Variants in GPM6B observed in about 807,000 individuals in gnomAD.
GPM6B encodes the protein neuronal membrane glycoprotein M6-b.
GPM6B carries 4 observed loss-of-function variants against 27.2 expected under a neutral mutation model. The ratio of observed to expected loss-of-function variants is 0.15; its 90% CI spans 0.07 to 0.34. The LOEUF is 0.34. Ranked by LOEUF, GPM6B falls within the 10% of genes least tolerant of loss-of-function variation. The probability of loss-of-function intolerance (pLI) is 1.00; values close to 1 mark genes in which losing one functional copy is unlikely to be tolerated. For missense variants in GPM6B, 183 were observed against 261.9 expected, an observed-to-expected ratio of 0.70 and a Z score of 2.08; for synonymous variants, 124 against 103.1, an observed-to-expected ratio of 1.20 and a Z score of -1.23.
At chrX:13,798,505 T>C (rs1441902121) in intron 2 of GPM6B, among the ~76,000 whole-genome samples, 1 of 112,522 alleles carries the variant, frequency 8.9e-6, no homozygotes, top group East Asian at 2.8e-4. Flanking sequence ...ACGTGCTATA[T>C]GCAAACACAC....
chrX:13,809,915 C>CAAA (rs750794950), intron 1 of GPM6B, among the ~76,000 whole-genome samples: 594 of 48,233 alleles, frequency 0.012, 16 homozygotes, highest in African/African-American at 0.023. Flanking sequence ...CCAGCCTGGG[C>CAAA]AAAAAAAAAA....
intron 1 of GPM6B, among the ~76,000 whole-genome samples, chrX:13,868,636 C>T (rs937729178): frequency 1.8e-5 from 2 of 112,254 alleles, no homozygotes; most frequent in African/African-American, 6.5e-5. Flanking sequence ...TTCTTTACCC[C>T]TTGGGTCAAA....
intron 1 of GPM6B, among the ~76,000 whole-genome samples, chrX:13,836,916 C>G (rs1426190590): frequency 1.8e-5 from 2 of 110,488 alleles, no homozygotes; most frequent in African/African-American, 6.7e-5. Flanking sequence ...GGAACAAAAT[C>G]AATGCGCTTT....
At chrX:13,896,033 T>C (rs1157892320) in intron 1 of GPM6B, among the ~76,000 whole-genome samples, 2 of 98,033 alleles carry the variant, frequency 2.0e-5, no homozygotes, top group Non-Finnish European at 4.1e-5. Context: ...CATACACTTG[T>C]AGTCCCAGCT....
At position 13,771,635 on chromosome X, in the gene GPM6B, C is replaced by G. The variant is rs1444076492; in HGVS notation, c.*1246G>C. On this transcript the variant is annotated 3_prime_UTR_variant, in exon 8 of 8. Coordinates refer to ENST00000316715, the MANE Select transcript of GPM6B (RefSeq NM_001001995.3). ...GCAGCCCCTTTGAAAAGCACTGATG[C>G]ACCCAACAGTTATATGGATCATTTC... is the stretch of plus-strand genomic sequence containing the variant. 1 of 111,833 alleles carries G rather than the reference C, an allele frequency of 8.9e-6. No homozygotes were observed. The highest frequency in any genetic ancestry group is 9.6e-5 in the Admixed American group (1 of 10,467). The allele number at this position is 111,833 out of a possible 1,213,427, so 9.2% of individuals were successfully genotyped here. A position where few individuals can be genotyped will look rare whatever the true frequency, so the allele number is the denominator to read the frequency against.
chrX:13,848,934 A>G (rs1302317149), intron 1 of GPM6B, among the ~76,000 whole-genome samples: 1 of 112,069 alleles, frequency 8.9e-6, no homozygotes, highest in Non-Finnish European at 1.9e-5. Flanking sequence ...TACCATGCTC[A>G]GAGAAAAAAG....
chrX:13,874,946 C>G (rs750731495), intron 1 of GPM6B, among the ~76,000 whole-genome samples: 1 of 99,889 alleles, frequency 1.0e-5, no homozygotes, highest in Non-Finnish European at 2.0e-5. Flanking sequence ...ATCCCCCCCC[C>G]ACCCCCGCTT....
At chrX:13,914,547 C>T in intron 1 of GPM6B, among the ~76,000 whole-genome samples, 1 of 111,236 alleles carries the variant, frequency 9.0e-6, no homozygotes, top group Admixed American at 9.5e-5. Flanking sequence ...ATGGAAGCCA[C>T]GTGTTGAGTA....
At chrX:13,907,450 G>A (rs1324255586) in intron 1 of GPM6B, among the ~76,000 whole-genome samples, 5 of 112,138 alleles carry the variant, frequency 4.5e-5, no homozygotes, top group East Asian at 2.8e-4. Flanking sequence ...TTGGGAGGCC[G>A]AGGTGGGTGG....
chrX:13,846,170 C>T (rs1324455484), intron 1 of GPM6B, among the ~76,000 whole-genome samples: 1 of 110,951 alleles, frequency 9.0e-6, no homozygotes, highest in Non-Finnish European at 1.9e-5. Context: ...CTTTTCCCTA[C>T]TTCCATTTCC....
upstream of GPM6B, chrX:13,817,222 G>A (rs2049254046): frequency 2.3e-6 from 2 of 856,068 alleles, no homozygotes; most frequent in Non-Finnish European, 2.8e-6. Flanking sequence ...TGGGAGTTGG[G>A]GGTAGGGGGG....
intron 1 of GPM6B, among the ~76,000 whole-genome samples, chrX:13,918,436 C>T (rs1273197516): frequency 8.9e-6 from 1 of 112,455 alleles, no homozygotes; most frequent in Non-Finnish European, 1.9e-5. Flanking sequence ...ATGACAATCA[C>T]AAAAGAGTAG....
chrX:13,810,012 G>A (rs1200461631), intron 1 of GPM6B, among the ~76,000 whole-genome samples: 1 of 109,248 alleles, frequency 9.2e-6, no homozygotes, highest in Non-Finnish European at 1.9e-5. Flanking sequence ...CAGCTACTCT[G>A]GAGGCTGAGG....
At chrX:13,865,541 T>TA (rs1569271152) in intron 1 of GPM6B, among the ~76,000 whole-genome samples, 1 of 3,113 alleles carries the variant, frequency 3.2e-4, no homozygotes, top group African/African-American at 7.2e-4. Flanking sequence ...ATCCATCTCT[T>TA]CAAAAAAAAA....
In GPM6B at chrX:13,871,119, A is replaced by C. The variant is rs111553281; in HGVS notation, c.-198+67208T>G. On this transcript the variant is annotated intron_variant, in intron 1 of 6. Transcript: ENST00000398361. Reference sequence around the variant, plus strand: ...CAAAACAAAACAAAACAAAACAAAAAAAAAAGAAGTTAGAGCTGTTTCATT... The same window carrying C: ...CAAAACAAAACAAAACAAAACAAAACAAAAAGAAGTTAGAGCTGTTTCATT... 2.9e-3 allele frequency among the ~76,000 whole-genome samples: 226 copies of C among 77,293 alleles called. 2 individuals carry two copies. The highest frequency in any genetic ancestry group is 0.022 in the Middle Eastern group (3 of 136). The allele number at this position is 77,293 out of a possible 115,157, so 67.1% of individuals were successfully genotyped here.
intron 1 of GPM6B, among the ~76,000 whole-genome samples, chrX:13,903,959 G>A (rs2050305321): frequency 9.0e-6 from 1 of 110,850 alleles, no homozygotes; most frequent in African/African-American, 3.3e-5. Flanking sequence ...AGGATCATTT[G>A]AGGAAGGGGA....
intron 1 of GPM6B, among the ~76,000 whole-genome samples, chrX:13,869,359 G>GTT (rs199826065): frequency 9.9e-6 from 1 of 101,244 alleles, no homozygotes. Flanking sequence ...GATATAGGTT[G>GTT]TTTTTTTTTT....
upstream of GPM6B, among the ~76,000 whole-genome samples, chrX:13,818,307 T>C (rs1342028436): frequency 1.8e-5 from 2 of 112,199 alleles, no homozygotes; most frequent in Non-Finnish European, 3.8e-5. Flanking sequence ...TTAACACTTA[T>C]CTTGGAAGCA....
upstream of GPM6B, among the ~76,000 whole-genome samples, chrX:13,819,502 C>A (rs2049284411): frequency 8.9e-6 from 1 of 111,762 alleles, no homozygotes; most frequent in African/African-American, 3.2e-5. Flanking sequence ...CTTCTGAAAG[C>A]CAAAACAGGA....
Sources: gnomAD v4.1 joint callset for allele counts (sites outside exome capture counted in the v4.1 genomes callset) on GRCh38, gnomAD v4.1.1 for gene constraint, MANE v1.5 for transcripts, NCBI Gene and HGNC (gene_info 2026-07-23, HGNC 2026-07-21) for gene names.